The following NUBPL variants were observed in gnomAD, a reference collection of about 807,000 sequenced individuals.
NUBPL encodes iron-sulfur cluster transfer protein NUBPL.
Under a neutral mutation model 45.7 loss-of-function variants are expected in NUBPL, and 31 were observed. The observed-to-expected ratio is 0.68, with a 90% CI of 0.51 to 0.92. The LOEUF is 0.92. Among genes scored for constraint, NUBPL ranks in the 40% least tolerant of loss-of-function variants. The pLI is 0.00. For missense variants in NUBPL, 401 were observed against 398.7 expected (o/e 1.01, Z -0.05); for synonymous variants, 144 against 140.9 (o/e 1.02, Z -0.15).
chr14:31,747,384 G>A (rs147411870), intron 6 of NUBPL, among the ~76,000 whole-genome samples: 2,216 of 152,038 alleles, frequency 0.015, 24 homozygotes, highest in Non-Finnish European at 0.024. Flanking sequence ...TGGTCCACCC[G>A]CCTTGGCCTC....
chr14:31,597,524 T>A (rs2034316438), intron 3 of NUBPL, among the ~76,000 whole-genome samples: 1 of 152,164 alleles, frequency 6.6e-6, no homozygotes, highest in Non-Finnish European at 1.5e-5. Context: ...ACCCTAGCAA[T>A]CTTATATTAG....
At chr14:31,739,901 T>G (rs185478914) in intron 6 of NUBPL, among the ~76,000 whole-genome samples, 19 of 152,324 alleles carry the variant, frequency 1.2e-4, no homozygotes, top group African/African-American at 4.6e-4. Context: ...CGTAGTTGGA[T>G]TCATACAGTA....
intron 6 of NUBPL, among the ~76,000 whole-genome samples, chr14:31,747,437 T>G (rs958871167): frequency 6.6e-6 from 1 of 151,690 alleles, no homozygotes; most frequent in African/African-American, 2.4e-5. Context: ...GCATCCGGCC[T>G]GTCCTGGGCT....
chr14:31,659,434 A>G (rs886091063), intron 4 of NUBPL, among the ~76,000 whole-genome samples: 2 of 152,216 alleles, frequency 1.3e-5, no homozygotes, highest in African/African-American at 2.4e-5. Context: ...GACAAGGCAC[A>G]TATAAAATAG....
At chr14:31,698,373 TG>T (rs2033499213) in intron 6 of NUBPL, among the ~76,000 whole-genome samples, 1 of 151,816 alleles carries the variant, frequency 6.6e-6, no homozygotes, top group Admixed American at 6.6e-5. Flanking sequence ...TTTTTTTAAG[TG>T]TTGAAAGACT....
At chr14:31,618,630 G>T (rs575264073) in intron 4 of NUBPL, among the ~76,000 whole-genome samples, 3 of 152,178 alleles carry the variant, frequency 2.0e-5, no homozygotes, top group Non-Finnish European at 4.4e-5. Flanking sequence ...TTGCACTGTG[G>T]TTGCAGAACC....
At chr14:31,616,340 T>C (rs1566449913) in intron 4 of NUBPL, among the ~76,000 whole-genome samples, 1 of 152,192 alleles carries the variant, frequency 6.6e-6, no homozygotes, top group East Asian at 1.9e-4. Flanking sequence ...CATGAAGTCT[T>C]TGCCCATGCC....
intron 6 of NUBPL, chr14:31,703,009 G>C (rs1235177538): frequency 6.6e-6 from 1 of 152,166 alleles, no homozygotes; most frequent in Non-Finnish European, 1.5e-5. Flanking sequence ...AGTAGAGCTT[G>C]TTTTTTGACT....
chr14:31,644,239 G>T (rs2035784542), intron 4 of NUBPL, among the ~76,000 whole-genome samples: 1 of 151,818 alleles, frequency 6.6e-6, no homozygotes, highest in African/African-American at 2.4e-5. Context: ...GATATGTTGT[G>T]TTAAGTTATT....
chr14:31,627,623 A>G (rs779529193), intron 4 of NUBPL, among the ~76,000 whole-genome samples: 6 of 151,954 alleles, frequency 3.9e-5, no homozygotes, highest in Non-Finnish European at 8.8e-5. Context: ...AAAATTAGCC[A>G]GACGTGGTGG....
At chr14:31,756,326 C>G (rs990449552) in intron 6 of NUBPL, among the ~76,000 whole-genome samples, 3 of 152,048 alleles carry the variant, frequency 2.0e-5, no homozygotes, top group Non-Finnish European at 2.9e-5. Context: ...TTCTTCCTAC[C>G]CATGAGCATG....
chr14:31,650,287 CTTTTTTTTTT>C (rs35127795), intron 4 of NUBPL, among the ~76,000 whole-genome samples: 5 of 116,598 alleles, frequency 4.3e-5, no homozygotes, highest in African/African-American at 1.8e-4. Context: ...GGCTTTCTTT[CTTTTTTTTTT>C]TTTTTTTTTT....
chr14:31,849,601 T>C (rs1449107193), intron 9 of NUBPL, among the ~76,000 whole-genome samples: 1 of 152,198 alleles, frequency 6.6e-6, no homozygotes, highest in Non-Finnish European at 1.5e-5. Flanking sequence ...AGAAAAATAA[T>C]TCTGTCTGAT....
At chr14:31,688,853 CCT>C (rs1322025190) in intron 6 of NUBPL, among the ~76,000 whole-genome samples, 1 of 151,826 alleles carries the variant, frequency 6.6e-6, no homozygotes, top group Non-Finnish European at 1.5e-5. Context: ...GTCTGTTGTT[CCT>C]CTCTTTGTGT....
chr14:31,767,545 C>A (rs902260275), intron 6 of NUBPL, among the ~76,000 whole-genome samples: 2 of 152,096 alleles, frequency 1.3e-5, no homozygotes, highest in African/African-American at 4.8e-5. Context: ...AGGTAACTTA[C>A]CAAGTAGCAA....
intron 7 of NUBPL, among the ~76,000 whole-genome samples, chr14:31,789,000 G>A (rs1335682611): frequency 2.6e-5 from 4 of 152,130 alleles, no homozygotes; most frequent in African/African-American, 4.8e-5. Context: ...ACAGGCACTC[G>A]GTAAATATTT....
chr14:31,754,392 T>A (rs1316691960), intron 6 of NUBPL, among the ~76,000 whole-genome samples: 1 of 152,148 alleles, frequency 6.6e-6, no homozygotes, highest in Non-Finnish European at 1.5e-5. Flanking sequence ...TAACTACTAA[T>A]TTGTAGGTAA....
chr14:31,803,152 C>T (rs2039624353), intron 7 of NUBPL, among the ~76,000 whole-genome samples: 1 of 152,164 alleles, frequency 6.6e-6, no homozygotes, highest in Admixed American at 6.6e-5. Context: ...CAGACAGAAA[C>T]TTATTGTTGC....
chr14:31,640,704 T>C (rs913114089), intron 4 of NUBPL, among the ~76,000 whole-genome samples: 4 of 152,154 alleles, frequency 2.6e-5, no homozygotes, highest in Non-Finnish European at 4.4e-5. Context: ...TTTATCTGTT[T>C]ATTAATTATT....
Sources: gnomAD v4.1 joint callset for allele counts (sites outside exome capture counted in the v4.1 genomes callset) on GRCh38, gnomAD v4.1.1 for gene constraint, MANE v1.5 for transcripts, NCBI Gene and HGNC (gene_info 2026-07-23, HGNC 2026-07-21) for gene names.